LPAR5: variants seen among roughly 807,000 people sequenced by gnomAD.
LPAR5 encodes G protein-coupled receptor 92.
For synonymous variants in LPAR5, 271 were observed against 261.6 expected (o/e 1.04, Z -0.35); for missense variants, 544 against 521.8 (o/e 1.04, Z -0.41).
rs1262046889 is a variant in LPAR5 at position 6,620,241 on chromosome 12, G to C, written c.1008C>G (p.Ala336=). 5.6e-6 allele frequency: 9 copies of C among 1,611,022 alleles called. No homozygotes were observed. In the East Asian group the frequency reaches 2.0e-4, roughly 36 times the overall value. ...CCGGCCTGGTGGCGTCGGTGGTGACGGCGGACCTTTCGGATTGCGCGAGCG... is the reference window on the plus strand; with the variant it reads ...CCGGCCTGGTGGCGTCGGTGGTGACCGCGGACCTTTCGGATTGCGCGAGCG... ...RAALAQSERS[A]VTTDATRPDA... The change falls in exon 2 of 2, where the codon GCC becomes GCG. Residue 336 remains alanine, a synonymous_variant. Transcript: ENST00000329858. This position sits in a 1 kb window ranked among gnomAD's most constrained non-coding sequence, Gnocchi z 6.8.
chr12:6,624,027 A>G lies in LPAR5; in HGVS notation c.-216-2563T>C, dbSNP rs551376464. On this transcript the variant is annotated intron_variant, in intron 1 of 1. Coordinates refer to ENST00000329858, the MANE Select transcript of LPAR5 (RefSeq NM_020400.6). ...CATCCCAGCCTTACGCATCACATGC[A>G]TCACTGCGCCTGTGAGGGCTGGATT... is the stretch of plus-strand genomic sequence containing the variant. Among the ~76,000 whole-genome samples, 10 of 152,360 alleles carry G rather than the reference A, an allele frequency of 6.6e-5. No individual in the cohort carries two copies. The South Asian group carries it at 8.3e-4, about 13-fold the overall frequency.
intron 1 of LPAR5, among the ~76,000 whole-genome samples, chr12:6,626,610 A>G (rs980288003): frequency 3.3e-5 from 5 of 152,230 alleles, no homozygotes; most frequent in African/African-American, 4.8e-5. Context: ...CTCATTTCTG[A>G]TACACTCCCC....
chr12:6,626,376 G>A (rs1047567179), intron 1 of LPAR5, among the ~76,000 whole-genome samples: 5 of 152,186 alleles, frequency 3.3e-5, no homozygotes, highest in African/African-American at 7.2e-5. Flanking sequence ...GGCTCTGTAA[G>A]TCCTAGGATT....
Position 6,620,961 on chromosome 12 carries a change from C to G in LPAR5, c.288G>C (p.Thr96=), listed in dbSNP as rs753000166. ...TGTTCATCTGGAAGATGGCGCCCGT[C>G]GTCTGGCACAGGAGGTCGGGGAAGG... ...HWPFPDLLCQ[T]TGAIFQMNMY... is the part of the protein sequence containing the mutation. The change falls in exon 2 of 2, where the codon ACG becomes ACC. Residue 96 remains threonine (T), a synonymous_variant. Coordinates refer to ENST00000329858, the MANE Select transcript of LPAR5 (RefSeq NM_020400.6). This position sits in a 1 kb window ranked among gnomAD's most constrained non-coding sequence, Gnocchi z 6.8. 3.7e-6 allele frequency: 6 copies of G among 1,612,842 alleles called. No individual in the cohort carries two copies. In the South Asian group the frequency reaches 5.5e-5, roughly 15 times the overall value.
intron 1 of LPAR5, among the ~76,000 whole-genome samples, chr12:6,622,429 A>AAAAT (rs1303508900): frequency 2.0e-5 from 3 of 151,334 alleles, no homozygotes; most frequent in African/African-American, 4.9e-5. Flanking sequence ...ACTCCATCTC[A>AAAAT]AAATAAATAA....
chr12:6,625,805 T>G (rs1322903831), intron 1 of LPAR5, among the ~76,000 whole-genome samples: 1 of 152,048 alleles, frequency 6.6e-6, no homozygotes, highest in Non-Finnish European at 1.5e-5. Context: ...TTGTTTTTTG[T>G]TTTTTGTTTT....
At chr12:6,635,743 T>A (rs575969357) in intron 1 of LPAR5, among the ~76,000 whole-genome samples, 164 bp downstream of exon 1, 1 of 152,156 alleles carries the variant, frequency 6.6e-6, no homozygotes, top group Non-Finnish European at 1.5e-5. Flanking sequence ...TCTGAAAAGA[T>A]CTGTCTATTT....
intron 1 of LPAR5, among the ~76,000 whole-genome samples, chr12:6,633,569 C>T (rs1011904817): frequency 6.6e-6 from 1 of 152,074 alleles, no homozygotes; most frequent in Admixed American, 6.6e-5. Flanking sequence ...CCCGCCACCA[C>T]GCCTGGCTAA....
At chr12:6,621,942 A>G (rs1948899504) in intron 1 of LPAR5, among the ~76,000 whole-genome samples, 1 of 151,722 alleles carries the variant, frequency 6.6e-6, no homozygotes, top group African/African-American at 2.4e-5. Flanking sequence ...AACCTGTCCA[A>G]TATGGTGAAA....
At chr12:6,624,244 A>G (rs1948916624) in intron 1 of LPAR5, among the ~76,000 whole-genome samples, 1 of 152,108 alleles carries the variant, frequency 6.6e-6, no homozygotes, top group East Asian at 1.9e-4. Flanking sequence ...GAGTTTTGCC[A>G]AGTGCTCCCC....
intron 1 of LPAR5, among the ~76,000 whole-genome samples, chr12:6,633,675 A>C (rs181824695): frequency 6.6e-6 from 1 of 151,982 alleles, no homozygotes; most frequent in African/African-American, 2.4e-5. Context: ...AGCCTCCCAA[A>C]GTGCTGGGAT....
chr12:6,620,757 A>G lies in LPAR5; in HGVS notation c.492T>C (p.Arg164=), dbSNP rs1334696432. The G allele has an allele frequency of 6.3e-7, 1 of 1,592,530 alleles. No homozygotes were observed. The highest frequency in any genetic ancestry group is 1.1e-5 in the South Asian group (1 of 88,558). ...GCACCTCGAGGTCCCGGTAGCGGCA[A>G]CGCGAGGGCCTGTGCACGCGGGCGG... ...VPAARVHRPS[R]CRYRDLEVRL... The change falls in exon 2 of 2, where the codon CGT becomes CGC. Residue 164 remains arginine (R), a synonymous_variant. Transcript: ENST00000329858. This position sits in a 1 kb window ranked among gnomAD's most constrained non-coding sequence, Gnocchi z 6.8.
intron 1 of LPAR5, among the ~76,000 whole-genome samples, chr12:6,632,697 C>T (rs1320735161): frequency 1.3e-5 from 2 of 152,180 alleles, no homozygotes; most frequent in East Asian, 1.9e-4. Flanking sequence ...TTTGAGGGCA[C>T]AAATGAATCC....
Position 6,621,002 on chromosome 12 carries a change from C to T in LPAR5, c.247G>A (p.Ala83Thr), listed in dbSNP as rs758241861. 4.3e-6 allele frequency: 7 copies of T among 1,613,198 alleles called. No homozygotes were observed. In the Admixed American group the frequency reaches 1.2e-4, roughly 27 times the overall value. Residue 83 changes from alanine to threonine, a missense_variant, in exon 2 of 2, where the codon GCA becomes ACA. Ala to Thr is a moderately conservative substitution (Grantham distance 58, BLOSUM62 0). Transcript: ENST00000329858. ...LSLPVRLSYY[A>T]LHHWPFPDLL... ...TCGGGGAAGGGCCAGTGGTGCAGTG[C>T]GTAGTAGGAGAGACGAACGGGCAGC...
Position 6,619,922 on chromosome 12 carries a change from C to T in LPAR5, c.*208G>A, listed in dbSNP as rs1180766352. On this transcript the variant is annotated 3_prime_UTR_variant, in exon 2 of 2. Transcript: ENST00000329858. Reference sequence around the variant, plus strand: ...CCACCGCTGGAGAAGGGGTGCTCTGCGTGCTCACAGTTTAAAGAAGCCATT... The same window carrying T: ...CCACCGCTGGAGAAGGGGTGCTCTGTGTGCTCACAGTTTAAAGAAGCCATT... 6.7e-6 allele frequency: 5 copies of T among 746,748 alleles called. No individual in the cohort carries two copies. Among genetic ancestry groups the T allele is most frequent in the South Asian group, 1.5e-5 (1 of 67,572 alleles). 46.3% of individuals were successfully genotyped at this position (746,748 alleles called of 1,614,324 possible).
At position 6,621,235 on chromosome 12, in the gene LPAR5, C is replaced by T; in HGVS notation, c.14G>A (p.Ser5Asn). 2.0e-6 allele frequency: 3 copies of T among 1,508,868 alleles called. No individual in the cohort carries two copies. Among genetic ancestry groups the T allele is most frequent in the South Asian group, 1.4e-5 (1 of 73,402 alleles). 93.5% of individuals were successfully genotyped at this position (1,508,868 alleles called of 1,614,324 possible). A position where few individuals can be genotyped will look rare whatever the true frequency, so the allele number is the denominator to read the frequency against. MLANSSSTNSSVLPC... is the reference protein window; with the variant it reads MLANNSSTNSSVLPC... ...GAGAACAGAACTGTTGGTTGAGGAG[C>T]TGTTGGCTAACATCGTGCCAAAGTG... The change falls in exon 2 of 2, where the codon AGC becomes AAC. Residue 5 changes from serine (S) to asparagine (N), a missense_variant. Transcript: ENST00000329858.
At position 6,620,381 on chromosome 12, in the gene LPAR5, A is replaced by G; in HGVS notation, c.868T>C (p.Cys290Arg). 2 of 1,611,776 alleles carry G rather than the reference A, an allele frequency of 1.2e-6. No individual in the cohort carries two copies. The highest frequency in any genetic ancestry group is 1.7e-6 in the Non-Finnish European group (2 of 1,179,340). The change falls in exon 2 of 2, where the codon TGC (cysteine) becomes CGC (arginine). Residue 290 changes from cysteine (C) to arginine (R), a missense_variant. Coordinates refer to ENST00000329858, the MANE Select transcript of LPAR5 (RefSeq NM_020400.6). The surrounding 1 kb of genome is among the most constrained non-coding windows in gnomAD (Gnocchi z 6.8). ...TAGTACACCAGCGGGTCCAGCACGC[A>G]GTTGGCGCCGGCCAGCAGCACCATC... ...MVMVLLAGAN[C>R]VLDPLVYYFS...
intron 1 of LPAR5, among the ~76,000 whole-genome samples, chr12:6,625,627 A>G (rs1422751337): frequency 7.7e-5 from 11 of 142,422 alleles, no homozygotes; most frequent in Non-Finnish European, 1.1e-4. Flanking sequence ...GGAGGCTGAG[A>G]CAGGAGACTG....
At chr12:6,624,650 C>T (rs911092375) in intron 1 of LPAR5, among the ~76,000 whole-genome samples, 2 of 151,808 alleles carry the variant, frequency 1.3e-5, no homozygotes, top group African/African-American at 4.8e-5. Flanking sequence ...GACCTAGTTT[C>T]GCTCTTGTTG....
Sources: gnomAD v4.1 joint callset for allele counts (sites outside exome capture counted in the v4.1 genomes callset) on GRCh38, gnomAD v4.1.1 for gene constraint, Gnocchi (gnomAD v3.1) non-coding constraint, MANE v1.5 for transcripts, NCBI Gene and HGNC (gene_info 2026-07-23, HGNC 2026-07-21) for gene names.